Variants in ZNF33A observed in about 807,000 individuals in gnomAD.
ZNF33A encodes the protein zinc finger protein 33A.
ZNF33A carries 9 observed loss-of-function variants against 15.9 expected under a neutral mutation model. The ratio of observed to expected loss-of-function variants is 0.57; its 90% confidence interval spans 0.34 to 0.99. The LOEUF is 0.99. Ranked by LOEUF, ZNF33A falls within the 50% of genes least tolerant of loss-of-function variation. The pLI, the probability that ZNF33A is intolerant of heterozygous loss-of-function variation, is 0.02. For missense variants in ZNF33A, 843 were observed against 941.6 expected, an observed-to-expected ratio of 0.90 and a Z score of 1.37; for synonymous variants, 294 against 324.2, an observed-to-expected ratio of 0.91 and a Z score of 1.00.
At chr10:38,066,825 G>A (rs1486006127), downstream of ZNF33A, among the ~76,000 whole-genome samples, 1 of 152,028 alleles carries the variant, frequency 6.6e-6, no homozygotes, top group African/African-American at 2.4e-5. Context: ...CCAGCTACTC[G>A]GGAGGGTAAG....
At chr10:38,049,445 A>C (rs2066098255) in intron 4 of ZNF33A, among the ~76,000 whole-genome samples, 2 of 152,136 alleles carry the variant, frequency 1.3e-5, no homozygotes, top group Admixed American at 1.3e-4. Context: ...CAACACAAAT[A>C]TGCATTGTGT....
At chr10:38,032,745 C>T (rs1360211980) in intron 4 of ZNF33A, among the ~76,000 whole-genome samples, 1 of 151,112 alleles carries the variant, frequency 6.6e-6, no homozygotes, top group Non-Finnish European at 1.5e-5. Context: ...ACCACCGCAC[C>T]TTGCCGACAG....
chr10:38,027,148 T>G (rs1380139201), intron 4 of ZNF33A, among the ~76,000 whole-genome samples: 1 of 152,188 alleles, frequency 6.6e-6, no homozygotes. Context: ...TTGGAGATTT[T>G]GAGTCTTCTG....
In ZNF33A at chr10:38,054,496, A is replaced by C. The variant is rs1564875523; in HGVS notation, c.372A>C (p.Ile124=). ...AGGAACAAGGTGATGTAATAGGAAT[A>C]CCATTTAATGTGGATGTAAGTTCTT... The part of the protein sequence containing the change: ...LTKEQGDVIG[I]PFNVDVSSFP... Residue 124 remains isoleucine (I), a synonymous_variant, in exon 5 of 5, where the codon ATA becomes ATC. Transcript: ENST00000432900. The C allele has an allele frequency of 6.2e-7, 1 of 1,612,928 alleles. No individual in the cohort carries two copies. The highest frequency in any genetic ancestry group is 8.5e-7 in the Non-Finnish European group (1 of 1,179,660).
At position 38,010,749 on chromosome 10, in the gene ZNF33A, T is replaced by C. The variant is rs775984203; in HGVS notation, c.-79T>C. Reference sequence around the variant, plus strand: ...CCGGGATTTCAAGGGTCTACGCGCTTTTCTATGGCGAATGCAACCCGACGA... The same window carrying C: ...CCGGGATTTCAAGGGTCTACGCGCTCTTCTATGGCGAATGCAACCCGACGA... On this transcript the variant is annotated 5_prime_UTR_variant, in exon 1 of 5. Transcript: ENST00000432900. 2 of 1,598,318 alleles carry C rather than the reference T, an allele frequency of 1.3e-6. No homozygotes were observed. The highest frequency in any genetic ancestry group is 1.7e-6 in the Non-Finnish European group (2 of 1,179,812).
At position 38,057,156 on chromosome 10, in the gene ZNF33A, A is replaced by G. The variant is rs553968250; in HGVS notation, c.*596A>G. 6.9e-5 allele frequency: 65 copies of G among 942,630 alleles called. No homozygotes were observed. The highest frequency in any genetic ancestry group is 1.1e-3 in the Middle Eastern group (2 of 1,830). The allele number at this position is 942,630 out of a possible 1,614,324, so 58.4% of individuals were successfully genotyped here. ...TATGTGTGTGTGTGTGGTTATATCA[A>G]ACTTTTACGACTTTTACATTTGAGT... On this transcript the variant is annotated 3_prime_UTR_variant, in exon 5 of 5. Coordinates refer to ENST00000432900, the MANE Select transcript of ZNF33A (RefSeq NM_006954.2).
At chr10:38,054,087 G>A (rs2066337180) in intron 4 of ZNF33A, among the ~76,000 whole-genome samples, 1 of 152,208 alleles carries the variant, frequency 6.6e-6, no homozygotes, top group Admixed American at 6.5e-5. Context: ...AAACGCAGAT[G>A]TAAGCAGCTG....
chr10:38,047,071 T>C (rs2065972506), intron 4 of ZNF33A, among the ~76,000 whole-genome samples: 1 of 150,220 alleles, frequency 6.7e-6, no homozygotes, highest in Non-Finnish European at 1.5e-5. Context: ...TCCTAGCTAC[T>C]TGGGAGGCTG....
intron 4 of ZNF33A, 65 bp from the exon 5 acceptor site, chr10:38,054,310 G>A (rs867030188): frequency 1.4e-5 from 20 of 1,445,978 alleles, no homozygotes; most frequent in Middle Eastern, 5.2e-4. Context: ...CATTTGTTTA[G>A]CGATTTCATT....
intron 4 of ZNF33A, among the ~76,000 whole-genome samples, chr10:38,050,125 A>G (rs1377837198): frequency 6.6e-6 from 1 of 152,224 alleles, no homozygotes; most frequent in Non-Finnish European, 1.5e-5. Flanking sequence ...CAGAAAATTC[A>G]AGAAGAGGGA....
At chr10:38,024,619 CAA>C (rs748746779) in intron 4 of ZNF33A, among the ~76,000 whole-genome samples, 3 of 152,092 alleles carry the variant, frequency 2.0e-5, no homozygotes, top group Non-Finnish European at 4.4e-5. Flanking sequence ...AAATTTTTCT[CAA>C]AAGTTTTGAG....
intron 4 of ZNF33A, among the ~76,000 whole-genome samples, chr10:38,035,682 T>C (rs1393365001): frequency 1.3e-5 from 2 of 152,176 alleles, no homozygotes; most frequent in Non-Finnish European, 2.9e-5. Flanking sequence ...GATGCCTTTA[T>C]TCCTGGCTCC....
chr10:38,055,483 T>G lies in ZNF33A; in HGVS notation c.1359T>G (p.Thr453=), dbSNP rs150362012. The G allele has an allele frequency of 1.2e-6, 2 of 1,613,326 alleles. No individual in the cohort carries two copies. The highest frequency in any genetic ancestry group is 1.7e-6 in the Non-Finnish European group (2 of 1,179,816). Residue 453 remains threonine (T), a synonymous_variant, in exon 5 of 5, where the codon ACT becomes ACG. Transcript: ENST00000432900. ...CYECGKSFRV[T]SHLKVHQRTH... is the part of the protein sequence containing the mutation. ...AATGTGGAAAATCCTTCCGTGTGAC[T>G]TCGCACCTTAAAGTACACCAGAGAA... is the stretch of plus-strand genomic sequence containing the variant.
At chr10:38,030,266 GA>G (rs1455270448) in intron 4 of ZNF33A, among the ~76,000 whole-genome samples, 1 of 152,148 alleles carries the variant, frequency 6.6e-6, no homozygotes, top group African/African-American at 2.4e-5. Context: ...TTATCCTTGA[GA>G]AATAAAAACT....
chr10:38,018,958 T>C (rs1460600965), intron 4 of ZNF33A, among the ~76,000 whole-genome samples: 1 of 151,938 alleles, frequency 6.6e-6, no homozygotes, highest in African/African-American at 2.4e-5. Flanking sequence ...TTTTTTTAAT[T>C]TGAGCTTGTG....
At chr10:38,044,722 C>G (rs1468738134) in intron 4 of ZNF33A, among the ~76,000 whole-genome samples, 1 of 151,900 alleles carries the variant, frequency 6.6e-6, no homozygotes, top group Non-Finnish European at 1.5e-5. Flanking sequence ...GGCTGGAGTT[C>G]AGAGGCATGA....
At chr10:38,018,779 G>T (rs2064587529) in intron 4 of ZNF33A, among the ~76,000 whole-genome samples, 1 of 152,082 alleles carries the variant, frequency 6.6e-6, no homozygotes, top group Non-Finnish European at 1.5e-5. Flanking sequence ...ATCAGAAGGA[G>T]GGGAAAGAGG....
In ZNF33A at chr10:38,056,869, G is replaced by A. The variant is rs1379698126; in HGVS notation, c.*309G>A. The stretch of plus-strand genomic sequence containing the variant: ...AGTTTGATGCCATAATAGTTTTTAG[G>A]GCACCTAACAATAATTTATAGATGT... On this transcript the variant is annotated 3_prime_UTR_variant, in exon 5 of 5. Coordinates refer to ENST00000432900, the MANE Select transcript of ZNF33A (RefSeq NM_006954.2). 13 of 1,037,746 alleles carry A rather than the reference G, an allele frequency of 1.3e-5. No homozygotes were observed. Among genetic ancestry groups the A allele is most frequent in the Non-Finnish European group, 1.5e-5 (13 of 859,330 alleles). The allele number at this position is 1,037,746 out of a possible 1,614,324, so 64.3% of individuals were successfully genotyped here. A position where few individuals can be genotyped will look rare whatever the true frequency, so the allele number is the denominator to read the frequency against.
At position 38,055,421 on chromosome 10, in the gene ZNF33A, A is replaced by G; in HGVS notation, c.1297A>G (p.Arg433Gly). The G allele has an allele frequency of 1.9e-6, 3 of 1,614,132 alleles. No individual in the cohort carries two copies. The highest frequency in any genetic ancestry group is 2.2e-5 in the East Asian group (1 of 44,860). Residue 433 changes from arginine (R) to glycine (G), a missense_variant, in exon 5 of 5, where the codon AGA (arginine) becomes GGA (glycine). Physicochemically the swap from Arg to Gly is moderately radical, Grantham distance 125. Transcript: ENST00000432900. Reference protein sequence around the residue: ...CQKSDLTKHQRTHTGLKPYEC... With the variant: ...CQKSDLTKHQGTHTGLKPYEC... ...GAAATCTGACCTCACTAAACATCAG[A>G]GAACACACACAGGGCTGAAACCCTA... is the stretch of plus-strand genomic sequence containing the variant.
Sources: allele counts gnomAD v4.1 joint callset (sites outside exome capture counted in the v4.1 genomes callset), GRCh38; gene constraint gnomAD v4.1.1; transcripts MANE v1.5; gene names NCBI Gene and HGNC (gene_info 2026-07-23, HGNC 2026-07-21).